The following IL12B variants were observed in gnomAD, a reference collection of about 807,000 sequenced individuals.
The protein encoded by IL12B is interleukin-12 subunit beta.
Under a neutral mutation model 39.2 loss-of-function variants are expected in IL12B, and 27 were observed. The ratio of observed to expected loss-of-function variants is 0.69; its 90% CI spans 0.51 to 0.95. The LOEUF is 0.95. Among genes scored for constraint, IL12B ranks in the 40% least tolerant of loss-of-function variants. The probability of loss-of-function intolerance (pLI) is 0.00; values close to 1 mark genes in which losing one functional copy is unlikely to be tolerated. For synonymous variants in IL12B, 142 were observed against 152.1 expected (o/e 0.93, Z 0.49); for missense variants, 351 against 397.6 (o/e 0.88, Z 1.00).
chr5:159,316,518 G>A (rs1753992380), intron 7 of IL12B, among the ~76,000 whole-genome samples, 167 bp downstream of exon 7: 1 of 152,174 alleles, frequency 6.6e-6, no homozygotes, highest in Non-Finnish European at 1.5e-5. Context: ...ACATAACAAA[G>A]GCACCAAATA....
intron 2 of IL12B, among the ~76,000 whole-genome samples, chr5:159,324,037 A>G (rs1424661639): frequency 1.3e-5 from 2 of 152,144 alleles, no homozygotes; most frequent in African/African-American, 4.8e-5. Flanking sequence ...TTCCATGGAT[A>G]TTTAAGGATT....
intron 6 of IL12B, 127 bp from the exon 7 acceptor site, chr5:159,316,943 A>T: frequency 9.9e-7 from 1 of 1,014,396 alleles, no homozygotes. Context: ...TGTGCTTGCA[A>T]TTCACAGGGG....
chr5:159,320,760 G>T (rs1224137684), intron 4 of IL12B, among the ~76,000 whole-genome samples: 1 of 152,148 alleles, frequency 6.6e-6, no homozygotes, highest in Non-Finnish European at 1.5e-5. Flanking sequence ...TTTAGATCTA[G>T]AATCTCTGAT....
At position 159,316,821 on chromosome 5, in the gene IL12B, A is replaced by G. The variant is rs1584751948; in HGVS notation, c.856-5T>C. Reference sequence around the variant, plus strand: ...GTCCGTGAAGACTCTATCTTTCTGCAAAAGAGAAGGAAAGCTGTGAAGACC... The same window carrying G: ...GTCCGTGAAGACTCTATCTTTCTGCGAAAGAGAAGGAAAGCTGTGAAGACC... On this transcript the variant is annotated splice_region_variant and splice_polypyrimidine_tract_variant and intron_variant, in intron 6 of 7. Coordinates refer to ENST00000231228, the MANE Select transcript of IL12B (RefSeq NM_002187.3). The G allele has an allele frequency of 1.9e-6, 3 of 1,613,912 alleles. No homozygotes were observed. The highest frequency in any genetic ancestry group is 2.5e-6 in the Non-Finnish European group (3 of 1,180,010).
rs1753966850 is a variant in IL12B, at chr5:159,315,114, T to G, written c.*987A>C. ...CTTTTTGCCTTCCAGACACTTACGG[T>G]GTTTCTGTGTCATCCTCCTGTGTCT... On this transcript the variant is annotated 3_prime_UTR_variant, in exon 8 of 8. Coordinates refer to ENST00000231228, the MANE Select transcript of IL12B (RefSeq NM_002187.3). 6.6e-6 allele frequency: 1 copy of G among 152,300 alleles called. No individual in the cohort carries two copies. Among genetic ancestry groups the G allele is most frequent in the Non-Finnish European group, 1.5e-5 (1 of 68,024 alleles). The allele number at this position is 152,300 out of a possible 1,614,324, so 9.4% of individuals were successfully genotyped here.
Position 159,315,055 on chromosome 5 carries a change from A to G in IL12B, c.*1046T>C, listed in dbSNP as rs1455751859. On this transcript the variant is annotated 3_prime_UTR_variant, in exon 8 of 8. Coordinates refer to ENST00000231228, the MANE Select transcript of IL12B (RefSeq NM_002187.3). Reference sequence around the variant, plus strand: ...TTCTGACAATTTCATGTCCTTAGCCATAACTACTTGTCCTCTCTCTTGAAT... The same window carrying G: ...TTCTGACAATTTCATGTCCTTAGCCGTAACTACTTGTCCTCTCTCTTGAAT... 3 of 152,340 alleles carry G rather than the reference A, an allele frequency of 2.0e-5. No individual in the cohort carries two copies. The highest frequency in any genetic ancestry group is 1.9e-4 in the East Asian group (1 of 5,334). 9.4% of individuals were successfully genotyped at this position (152,340 alleles called of 1,614,324 possible).
In IL12B at chr5:159,322,527, A is replaced by G; in HGVS notation, c.365-16T>C. 1 of 1,528,582 alleles carries G rather than the reference A, an allele frequency of 6.5e-7. No individual in the cohort carries two copies. Among genetic ancestry groups the G allele is most frequent in the South Asian group, 1.1e-5 (1 of 89,310 alleles). 94.7% of individuals were successfully genotyped at this position (1,528,582 alleles called of 1,614,324 possible). ...TTTTTGGGTTCTGGATTTGAAAAAA[A>G]CAAAAATTCAATATTTAGGAGTTTT... On this transcript the variant is annotated splice_polypyrimidine_tract_variant and intron_variant, in intron 3 of 7. Coordinates refer to ENST00000231228, the MANE Select transcript of IL12B (RefSeq NM_002187.3).
Position 159,316,784 on chromosome 5 carries a change from G to A in IL12B, c.888C>T (p.Ala296=), listed in dbSNP as rs374523632. The A allele has an allele frequency of 2.5e-6, 4 of 1,613,986 alleles. No individual in the cohort carries two copies. The highest frequency in any genetic ancestry group is 3.4e-6 in the Non-Finnish European group (4 of 1,180,030). Residue 296 remains alanine, a synonymous_variant, in exon 7 of 8, where the codon GCC becomes GCT. Transcript: ENST00000231228. ...KDRVFTDKTS[A]TVICRKNASI... Reference sequence around the variant, plus strand: ...TGGCATTTTTGCGGCAGATGACCGTGGCTGAGGTCTTGTCCGTGAAGACTC... The same window carrying A: ...TGGCATTTTTGCGGCAGATGACCGTAGCTGAGGTCTTGTCCGTGAAGACTC...
At chr5:159,318,526 C>G (rs776714408) in intron 6 of IL12B, among the ~76,000 whole-genome samples, 92 of 152,250 alleles carry the variant, frequency 6.0e-4, no homozygotes, top group Admixed American at 1.6e-3. Context: ...AGCCTAGAAG[C>G]GTAGTAGGCT....
At chr5:159,320,285 A>G (rs757020462) in intron 5 of IL12B, 21 bp downstream of exon 5, 1 of 1,598,582 alleles carries the variant, frequency 6.3e-7, no homozygotes, top group Non-Finnish European at 8.6e-7. Context: ...TATGGAGCAC[A>G]TATAATCATC....
chr5:159,322,436 G>A lies in IL12B; in HGVS notation c.440C>T (p.Thr147Ile), dbSNP rs1255210519. Residue 147 changes from threonine to isoleucine, a missense_variant, in exon 4 of 8, where the codon ACA (threonine) becomes ATA (isoleucine). Transcript: ENST00000231228. ...SGRFTCWWLT[T>I]ISTDLTFSVK... ...ACTGAATGTCAAATCAGTACTGATT[G>A]TCGTCAGCCACCAGCAGGTGAAACG... 6.2e-7 allele frequency: 1 copy of A among 1,613,374 alleles called. No individual in the cohort carries two copies. Among genetic ancestry groups the A allele is most frequent in the Non-Finnish European group, 8.5e-7 (1 of 1,179,438 alleles).
intron 1 of IL12B, 125 bp from the exon 2 acceptor site, chr5:159,326,907 C>CT (rs369549947): frequency 1.7e-4 from 117 of 698,996 alleles, no homozygotes; most frequent in South Asian, 4.8e-4. Flanking sequence ...ATTCTAGCTA[C>CT]TTTTTTTTTA....
chr5:159,325,028 T>C (rs1754162507), intron 2 of IL12B, among the ~76,000 whole-genome samples: 1 of 151,970 alleles, frequency 6.6e-6, no homozygotes, highest in African/African-American at 2.4e-5. Flanking sequence ...TACTTTCCTG[T>C]CCCAACTGAG....
chr5:159,323,418 C>G, intron 2 of IL12B, 89 bp from the exon 3 acceptor site: 1 of 1,203,450 alleles, frequency 8.3e-7, no homozygotes, highest in Non-Finnish European at 1.2e-6. Flanking sequence ...TCCCCATTGC[C>G]TAAACACAAC....
intron 1 of IL12B, among the ~76,000 whole-genome samples, chr5:159,328,468 C>T (rs1754228016): frequency 1.3e-5 from 2 of 152,150 alleles, no homozygotes; most frequent in Admixed American, 1.3e-4. Context: ...ATCTCAAAGG[C>T]TTGTTGGGAA....
Position 159,322,515 on chromosome 5 carries a change from G to A in IL12B, c.365-4C>T. On this transcript the variant is annotated splice_region_variant and splice_polypyrimidine_tract_variant and intron_variant, in intron 3 of 7. Coordinates refer to ENST00000231228, the MANE Select transcript of IL12B (RefSeq NM_002187.3). ...AGAAAGGTCTTATTTTTGGGTTCTG[G>A]ATTTGAAAAAAACAAAAATTCAATA... 2 of 1,596,430 alleles carry A rather than the reference G, an allele frequency of 1.3e-6. No homozygotes were observed. The highest frequency in any genetic ancestry group is 1.7e-6 in the Non-Finnish European group (2 of 1,164,128).
At position 159,326,878 on chromosome 5, in the gene IL12B, C is replaced by T; in HGVS notation, c.1-96G>A. 5 of 825,740 alleles carry T rather than the reference C, an allele frequency of 6.1e-6. No homozygotes were observed. In the South Asian group the frequency reaches 6.9e-5, roughly 11 times the overall value. 51.2% of individuals were successfully genotyped at this position (825,740 alleles called of 1,614,324 possible). On this transcript the variant is annotated intron_variant, in intron 1 of 7. Transcript: ENST00000231228. ...AAAGAATGTCAATAATTCTTGTTACCTTTGTGAACCATATACACATTCTAG... is the reference window on the plus strand; with the variant it reads ...AAAGAATGTCAATAATTCTTGTTACTTTTGTGAACCATATACACATTCTAG...
intron 7 of IL12B, 146 bp downstream of exon 7, chr5:159,316,539 A>T (rs919935637): frequency 8.8e-6 from 7 of 792,618 alleles, no homozygotes; most frequent in Non-Finnish European, 1.5e-5. Flanking sequence ...AATATCTGTT[A>T]GTGAATAAAT....
At chr5:159,324,873 C>A (rs1754160629) in intron 2 of IL12B, among the ~76,000 whole-genome samples, 1 of 152,122 alleles carries the variant, frequency 6.6e-6, no homozygotes, top group South Asian at 2.1e-4. Context: ...ATTATAAGGA[C>A]TGAATGGATA....
Sources: gnomAD v4.1 joint callset for allele counts (sites outside exome capture counted in the v4.1 genomes callset) on GRCh38, gnomAD v4.1.1 for gene constraint, MANE v1.5 for transcripts, NCBI Gene and HGNC (gene_info 2026-07-23, HGNC 2026-07-21) for gene names.